The following TTC21B variants were observed in gnomAD, a reference collection of about 807,000 sequenced individuals.
The protein encoded by TTC21B is tetratricopeptide repeat protein 21B.
Under a neutral mutation model 175.1 loss-of-function variants are expected in TTC21B, and 127 were observed. The observed-to-expected ratio is 0.73, with a 90% confidence interval of 0.63 to 0.84. The LOEUF (loss-of-function observed/expected upper bound fraction) is 0.84, where lower values mean the gene tolerates loss of function less well. TTC21B is among the 40% of genes least tolerant of loss of function. The pLI, the probability that TTC21B is intolerant of heterozygous loss-of-function variation, is 0.00. For synonymous variants in TTC21B, 524 were observed against 524.5 expected, an observed-to-expected ratio of 1.00 and a Z score of 0.01; for missense variants, 1,561 against 1,558.3, an observed-to-expected ratio of 1.00 and a Z score of -0.03.
chr2:165,927,862 T>C (rs1342817719), intron 11 of TTC21B, among the ~76,000 whole-genome samples: 2 of 152,226 alleles, frequency 1.3e-5, no homozygotes, highest in Non-Finnish European at 2.9e-5. Flanking sequence ...TTATTTCCCA[T>C]GTTAACACAG....
rs1559041804 is a variant in TTC21B at position 165,890,602 on chromosome 2, T to C, written c.3140A>G (p.Asn1047Ser). 2.5e-6 allele frequency: 4 copies of C among 1,613,870 alleles called. No individual in the cohort carries two copies. The highest frequency in any genetic ancestry group is 3.4e-6 in the Non-Finnish European group (4 of 1,179,790). Residue 1047 changes from asparagine (N) to serine (S), a missense_variant, in exon 24 of 29, where the codon AAT becomes AGT. Transcript: ENST00000243344. ...GEPNDALRHF[N>S]KARKDRDWGQ... Reference sequence around the variant, plus strand: ...CCAGTCACGATCTTTCCGAGCTTTATTAAAATGTCGAAGGGCATCATTTGG... The same window carrying C: ...CCAGTCACGATCTTTCCGAGCTTTACTAAAATGTCGAAGGGCATCATTTGG...
At chr2:165,885,137 G>A (rs1389862802) in intron 25 of TTC21B, among the ~76,000 whole-genome samples, 1 of 152,142 alleles carries the variant, frequency 6.6e-6, no homozygotes, top group Non-Finnish European at 1.5e-5. Context: ...AAGACAGAAT[G>A]AGACACTGTC....
At chr2:165,904,503 C>T (rs1685665838) in intron 19 of TTC21B, among the ~76,000 whole-genome samples, 1 of 152,138 alleles carries the variant, frequency 6.6e-6, no homozygotes, top group African/African-American at 2.4e-5. Flanking sequence ...AATCTCAAAA[C>T]CAAAACACTA....
intron 22 of TTC21B, among the ~76,000 whole-genome samples, chr2:165,895,007 C>G (rs1685316668): frequency 6.6e-6 from 1 of 152,002 alleles, no homozygotes; most frequent in Non-Finnish European, 1.5e-5. Context: ...CGAGGCAAAT[C>G]TAGGATGGTT....
chr2:165,883,058 G>A (rs562591100), intron 26 of TTC21B, among the ~76,000 whole-genome samples: 4 of 151,872 alleles, frequency 2.6e-5, no homozygotes, highest in Non-Finnish European at 5.9e-5. Context: ...AAAAATAAAC[G>A]GTCCATTTGT....
chr2:165,938,842 C>T (rs1427034661), intron 6 of TTC21B, among the ~76,000 whole-genome samples: 3 of 151,886 alleles, frequency 2.0e-5, no homozygotes, highest in Non-Finnish European at 4.4e-5. Context: ...AAACCAATCA[C>T]CATATGTGGA....
intron 3 of TTC21B, chr2:165,947,322 G>T (rs965386154): frequency 1.3e-5 from 2 of 150,738 alleles, no homozygotes; most frequent in African/African-American, 4.9e-5. Context: ...TCTCTTTCTG[G>T]AATGGCTACC....
intron 21 of TTC21B, among the ~76,000 whole-genome samples, chr2:165,899,162 G>A (rs1685468924): frequency 6.6e-6 from 1 of 152,030 alleles, no homozygotes; most frequent in African/African-American, 2.4e-5. Context: ...TAACTATTTT[G>A]AAAAATTAAA....
In TTC21B at chr2:165,917,273, C is replaced by T. The variant is rs139653847; in HGVS notation, c.1883G>A (p.Arg628His). 91 of 1,613,906 alleles carry T rather than the reference C, an allele frequency of 5.6e-5. No individual in the cohort carries two copies. Among genetic ancestry groups the T allele is most frequent in the South Asian group, 1.5e-4 (14 of 91,084 alleles). Residue 628 changes from arginine to histidine, a missense_variant, in exon 14 of 29, where the codon CGC becomes CAC. Transcript: ENST00000243344. ...TTGACCTACCTGCTCTCCATTTAAG[C>T]GGTGAACGTCTATCAATTCAAGAAA... Reference protein sequence around the residue: ...SIFLELIDVHRLNGEQHEATK... With the variant: ...SIFLELIDVHHLNGEQHEATK...
chr2:165,927,246 TTA>T (rs367730373), intron 11 of TTC21B, among the ~76,000 whole-genome samples: 648 of 2,292 alleles, frequency 0.28, 118 homozygotes, highest in Admixed American at 0.55. Flanking sequence ...ATCCTAGTAG[TTA>T]TATATATATA....
intron 19 of TTC21B, among the ~76,000 whole-genome samples, chr2:165,902,430 C>T (rs116255528): frequency 0.013 from 1,988 of 152,206 alleles, 57 homozygotes; most frequent in African/African-American, 0.046. Context: ...AAATGCCTAC[C>T]ACATGCAATA....
intron 26 of TTC21B, among the ~76,000 whole-genome samples, chr2:165,882,721 G>A (rs1342833666): frequency 1.3e-5 from 2 of 152,078 alleles, no homozygotes; most frequent in Non-Finnish European, 1.5e-5. Flanking sequence ...AACCAGCAGG[G>A]CTGAATGAAG....
At position 165,941,032 on chromosome 2, in the gene TTC21B, T is replaced by C. The variant is rs1435067397; in HGVS notation, c.705A>G (p.Ala235=). Residue 235 remains alanine (A), a synonymous_variant, in exon 6 of 29, where the codon GCA becomes GCG. Transcript: ENST00000243344. ...LQDWDQTVET[A]QRLLLQDSQN... is the part of the protein sequence containing the mutation. ...GTCATCTTTTATTACTTAACCTTTG[T>C]GCTGTCTCAACTGTCTGGTCCCAAT... The C allele has an allele frequency of 5.0e-6, 8 of 1,613,778 alleles. No homozygotes were observed. Among genetic ancestry groups the C allele is most frequent in the African/African-American group, 4.0e-5 (3 of 74,928 alleles).
At chr2:165,927,292 A>G (rs1686701254) in intron 11 of TTC21B, among the ~76,000 whole-genome samples, 1 of 98,370 alleles carries the variant, frequency 1.0e-5, no homozygotes, top group Non-Finnish European at 1.9e-5. Flanking sequence ...ATATCCTAGT[A>G]GTTATATATA....
intron 16 of TTC21B, 109 bp downstream of exon 16, chr2:165,913,465 G>T: frequency 1.4e-6 from 1 of 728,584 alleles, no homozygotes; most frequent in South Asian, 1.7e-5. Context: ...GTGATGGCTG[G>T]ATCTTCAAAT....
At position 165,876,235 on chromosome 2, in the gene TTC21B, G is replaced by A. The variant is rs764138635; in HGVS notation, c.3806-3C>T. 8 of 1,572,702 alleles carry A rather than the reference G, an allele frequency of 5.1e-6. No individual in the cohort carries two copies. In the Admixed American group the frequency reaches 1.3e-4, roughly 26 times the overall value. On this transcript the variant is annotated splice_region_variant and splice_polypyrimidine_tract_variant and intron_variant, in intron 27 of 28. Coordinates refer to ENST00000243344, the MANE Select transcript of TTC21B (RefSeq NM_024753.5). ...GTAATTAAATGCCAGTTTGTATCCT[G>A]TTAAGACAAAAACCATAAAACAGAA...
intron 6 of TTC21B, among the ~76,000 whole-genome samples, chr2:165,940,064 ATTG>A (rs1363909967): frequency 6.6e-6 from 1 of 152,122 alleles, no homozygotes; most frequent in African/African-American, 2.4e-5. Context: ...CATTATCATC[ATTG>A]TTGTTGTTAT....
chr2:165,908,585 G>A (rs1245092887), intron 18 of TTC21B, among the ~76,000 whole-genome samples: 1 of 152,038 alleles, frequency 6.6e-6, no homozygotes, highest in East Asian at 1.9e-4. Flanking sequence ...GGTAGTCCTG[G>A]ACACATCAAT....
intron 25 of TTC21B, among the ~76,000 whole-genome samples, chr2:165,885,259 T>C (rs996894585): frequency 6.6e-6 from 1 of 152,176 alleles, no homozygotes; most frequent in South Asian, 2.1e-4. Context: ...TCATAAGGAA[T>C]ACTGCAAAAG....
Sources: gnomAD v4.1 joint callset for allele counts (sites outside exome capture counted in the v4.1 genomes callset) on GRCh38, gnomAD v4.1.1 for gene constraint, MANE v1.5 for transcripts, NCBI Gene and HGNC (gene_info 2026-07-23, HGNC 2026-07-21) for gene names.